The following FILIP1L variants were observed in gnomAD, a reference collection of about 807,000 sequenced individuals.
FILIP1L encodes the protein filamin A interacting protein 1 like, also known as filamin A-interacting protein 1-like.
A neutral mutation model predicts 96.6 loss-of-function variants in FILIP1L; 55 were observed. The ratio of observed to expected loss-of-function variants is 0.57; its 90% CI spans 0.46 to 0.71. FILIP1L has a LOEUF of 0.71. FILIP1L is among the 30% of genes least tolerant of loss of function. The pLI is 0.00. For synonymous variants in FILIP1L, 467 were observed against 473.9 expected (o/e 0.99, Z 0.19); for missense variants, 1,304 against 1,321.2 (o/e 0.99, Z 0.20).
chr3:100,057,523 TC>T (rs2065485718), intron 1 of FILIP1L, among the ~76,000 whole-genome samples: 1 of 152,224 alleles, frequency 6.6e-6, no homozygotes, highest in Non-Finnish European at 1.5e-5. Context: ...CATTTTGTGT[TC>T]TGCGTCTTAT....
chr3:99,850,448 T>C lies in FILIP1L; in HGVS notation c.1228A>G (p.Ser410Gly). The C allele has an allele frequency of 1.2e-6, 2 of 1,614,100 alleles. No homozygotes were observed. The highest frequency in any genetic ancestry group is 1.7e-6 in the Non-Finnish European group (2 of 1,179,998). ...NKRLERETLQ[S>G]KDFKLEVEKL... ...TCAACCTCTAGTTTAAAGTCTTTAC[T>C]CTGTAACGTCTCCCTTTCAAGCCTC... Residue 410 changes from serine (S) to glycine (G), a missense_variant, in exon 5 of 6, where the codon AGT becomes GGT. By Grantham distance (56) the Ser-to-Gly change is moderately conservative. Coordinates refer to ENST00000477258, the MANE Select transcript of FILIP1L (RefSeq NM_001387850.1).
intron 1 of FILIP1L, among the ~76,000 whole-genome samples, chr3:100,090,387 C>T (rs776523651): frequency 6.6e-6 from 1 of 152,170 alleles, no homozygotes; most frequent in South Asian, 2.1e-4. Context: ...TCATGCTGGT[C>T]GTGATTTTTC....
intron 3 of FILIP1L, among the ~76,000 whole-genome samples, chr3:99,924,769 G>C (rs1707237682): frequency 6.6e-6 from 1 of 152,146 alleles, no homozygotes; most frequent in African/African-American, 2.4e-5. Flanking sequence ...TGGTCTGCCT[G>C]CTTCGGCCTC....
chr3:99,867,275 C>T (rs1944565515), intron 4 of FILIP1L, among the ~76,000 whole-genome samples: 1 of 152,090 alleles, frequency 6.6e-6, no homozygotes, highest in Non-Finnish European at 1.5e-5. Flanking sequence ...GAGAAATGTT[C>T]TGTTTGTGGC....
At chr3:99,931,543 C>CA (rs1707483200) in intron 1 of FILIP1L, among the ~76,000 whole-genome samples, 1 of 152,094 alleles carries the variant, frequency 6.6e-6, no homozygotes, top group South Asian at 2.1e-4. Flanking sequence ...ACAGAAATGG[C>CA]AGAGTTACTG....
At position 99,930,865 on chromosome 3, in the gene FILIP1L, C is replaced by T. The variant is rs924249085; in HGVS notation, c.156G>A (p.Lys52=). 5.6e-6 allele frequency: 9 copies of T among 1,612,968 alleles called. No individual in the cohort carries two copies. Among genetic ancestry groups the T allele is most frequent in the Non-Finnish European group, 7.6e-6 (9 of 1,179,798 alleles). The change falls in exon 2 of 6, where the codon AAG becomes AAA. Residue 52 remains lysine (K), a synonymous_variant. Coordinates refer to ENST00000477258, the MANE Select transcript of FILIP1L (RefSeq NM_001387850.1). ...CATTACCACTGTGTGGCTTCTCTGC[C>T]TTGGGACACGGAAGTATTACATCCG... ...SESDVILPCP[K]AEKPHSGNGH...
chr3:100,038,131 T>C (rs1258138114), intron 1 of FILIP1L, among the ~76,000 whole-genome samples: 1 of 152,066 alleles, frequency 6.6e-6, no homozygotes, highest in African/African-American at 2.4e-5. Flanking sequence ...AATTTTTGTA[T>C]TTTTAGTAGA....
chr3:100,112,291 T>C (rs971211978), intron 1 of FILIP1L, among the ~76,000 whole-genome samples: 2 of 152,178 alleles, frequency 1.3e-5, no homozygotes, highest in Non-Finnish European at 2.9e-5. Context: ...GAACATAGAA[T>C]AATATGGACT....
chr3:99,983,874 A>G (rs1235284160), intron 1 of FILIP1L, among the ~76,000 whole-genome samples: 1 of 152,146 alleles, frequency 6.6e-6, no homozygotes, highest in Non-Finnish European at 1.5e-5. Context: ...ATAACTTGCC[A>G]GAAGAAGTAA....
At chr3:100,009,647 C>A (rs1251929648) in intron 1 of FILIP1L, among the ~76,000 whole-genome samples, 1 of 152,264 alleles carries the variant, frequency 6.6e-6, no homozygotes, top group East Asian at 1.9e-4. Flanking sequence ...GCCAAAACAT[C>A]TAAGTGTTAA....
intron 1 of FILIP1L, among the ~76,000 whole-genome samples, chr3:100,009,428 A>T (rs1430558732): frequency 2.6e-5 from 4 of 152,178 alleles, no homozygotes; most frequent in African/African-American, 9.6e-5. Flanking sequence ...GCAGTCAAAG[A>T]CATTAATGGA....
At chr3:99,904,690 C>T (rs374335610) in intron 4 of FILIP1L, among the ~76,000 whole-genome samples, 50 of 152,078 alleles carry the variant, frequency 3.3e-4, no homozygotes, top group African/African-American at 1.2e-3. Context: ...GCTAATTTTA[C>T]CCCATTATCA....
At chr3:99,861,752 T>C (rs1045947129) in intron 4 of FILIP1L, among the ~76,000 whole-genome samples, 2 of 152,034 alleles carry the variant, frequency 1.3e-5, no homozygotes, top group Non-Finnish European at 2.9e-5. Context: ...GAAGCACCAA[T>C]AGGAACGAGA....
chr3:99,965,536 G>A (rs1576606023), intron 1 of FILIP1L, among the ~76,000 whole-genome samples: 1 of 152,154 alleles, frequency 6.6e-6, no homozygotes, highest in East Asian at 1.9e-4. Flanking sequence ...TCATTTGTTT[G>A]TTTGTAGGGT....
Position 100,083,290 on chromosome 3 carries a change from G to A in FILIP1L, c.-11+30763C>T, listed in dbSNP as rs185300639. Among the ~76,000 whole-genome samples, 543 of 152,240 alleles carry A rather than the reference G, an allele frequency of 3.6e-3. 7 individuals are homozygous for A. Among genetic ancestry groups the A allele is most frequent in the African/African-American group, 0.013 (523 of 41,550 alleles). On this transcript the variant is annotated intron_variant, in intron 1 of 5. Coordinates refer to ENST00000477258, the MANE Select transcript of FILIP1L (RefSeq NM_001387850.1). The stretch of plus-strand genomic sequence containing the variant: ...GTAATTATTTGTTTTTATCTTGACC[G>A]ACTAGTTAATTGCCAAAGGATTATT...
intron 5 of FILIP1L, among the ~76,000 whole-genome samples, chr3:99,833,546 G>A (rs1364492107): frequency 6.6e-6 from 1 of 152,188 alleles, no homozygotes; most frequent in Non-Finnish European, 1.5e-5. Context: ...AACAAAATCA[G>A]CATTTATGGA....
intron 1 of FILIP1L, among the ~76,000 whole-genome samples, chr3:99,956,578 C>T (rs1338356322): frequency 6.6e-6 from 1 of 152,152 alleles, no homozygotes. Context: ...AATTCCTGAC[C>T]TCAGATGATC....
At chr3:99,897,599 A>G (rs1367310217) in intron 4 of FILIP1L, among the ~76,000 whole-genome samples, 5 of 152,148 alleles carry the variant, frequency 3.3e-5, no homozygotes, top group African/African-American at 9.7e-5. Context: ...ATGCCTTATG[A>G]TGGAGTGCTG....
intron 4 of FILIP1L, among the ~76,000 whole-genome samples, chr3:99,856,174 A>G (rs908655230): frequency 2.0e-5 from 3 of 152,156 alleles, no homozygotes; most frequent in Non-Finnish European, 2.9e-5. Flanking sequence ...AAGGCTTTCT[A>G]TAGTTGTACC....
Sources: gnomAD v4.1 joint callset for allele counts (sites outside exome capture counted in the v4.1 genomes callset) on GRCh38, gnomAD v4.1.1 for gene constraint, MANE v1.5 for transcripts, NCBI Gene and HGNC (gene_info 2026-07-23, HGNC 2026-07-21) for gene names.